Variants in FAM227B observed in about 807,000 individuals in gnomAD.
FAM227B encodes the protein family with sequence similarity 227 member B, also known as protein FAM227B.
Under a neutral mutation model 73.8 loss-of-function variants are expected in FAM227B, and 88 were observed. The ratio of observed to expected loss-of-function variants is 1.19; its 90% confidence interval spans 1.00 to 1.42. FAM227B has a LOEUF of 1.42. FAM227B is among the 40% of genes most tolerant of loss of function. The probability of loss-of-function intolerance (pLI) is 0.00; values close to 1 mark genes in which losing one functional copy is unlikely to be tolerated. For synonymous variants in FAM227B, 210 were observed against 190.5 expected, an observed-to-expected ratio of 1.10 and a Z score of -0.84; for missense variants, 632 against 590.9, an observed-to-expected ratio of 1.07 and a Z score of -0.72.
At chr15:49,449,697 A>C (rs1230470930) in intron 11 of FAM227B, among the ~76,000 whole-genome samples, 1 of 152,062 alleles carries the variant, frequency 6.6e-6, no homozygotes, top group African/African-American at 2.4e-5. Context: ...ATTGCTGCCA[A>C]GTTAGGTCTC....
At chr15:49,517,688 T>C (rs2059471285) in intron 10 of FAM227B, among the ~76,000 whole-genome samples, 4 of 152,152 alleles carry the variant, frequency 2.6e-5, no homozygotes, top group Admixed American at 2.6e-4. Context: ...TTCATATAAA[T>C]ATTCAAAAAA....
chr15:49,594,127 G>C (rs956513788), intron 3 of FAM227B, among the ~76,000 whole-genome samples: 2 of 152,016 alleles, frequency 1.3e-5, no homozygotes, highest in Non-Finnish European at 2.9e-5. Context: ...TCTCGCAGGA[G>C]TAAGGTGGTA....
intron 5 of FAM227B, 99 bp from the exon 6 acceptor site, chr15:49,577,763 G>GATATATGTA: frequency 3.1e-6 from 2 of 649,002 alleles, no homozygotes; most frequent in Middle Eastern, 4.3e-4. Context: ...GATAACTATA[G>GATATATGTA]ATATATGTAT....
rs568494407 is a variant in FAM227B at position 49,550,686 on chromosome 15, C to T, written c.748-8880G>A. Among the ~76,000 whole-genome samples, 79 of 151,894 alleles carry T rather than the reference C, an allele frequency of 5.2e-4. 1 individual carries two copies. Among genetic ancestry groups the T allele is most frequent in the African/African-American group, 1.7e-3 (70 of 41,382 alleles). On this transcript the variant is annotated intron_variant, in intron 9 of 15. Coordinates refer to ENST00000299338, the MANE Select transcript of FAM227B (RefSeq NM_152647.3). ...CTCTCCCCACATCTCAGACGATGGG[C>T]GGCCGGGCAGAGACGCTCCTCACTT...
chr15:49,561,638 CA>C (rs1016802483), intron 9 of FAM227B, among the ~76,000 whole-genome samples: 4 of 151,908 alleles, frequency 2.6e-5, no homozygotes, highest in African/African-American at 9.6e-5. Flanking sequence ...TCAATAAATT[CA>C]AAAAAAGTTA....
chr15:49,455,415 C>T (rs899988493), intron 11 of FAM227B, among the ~76,000 whole-genome samples: 1 of 152,116 alleles, frequency 6.6e-6, no homozygotes, highest in Non-Finnish European at 1.5e-5. Context: ...AAAACCCCAG[C>T]ATTTTTCAAA....
chr15:49,367,369 C>G, intron 13 of FAM227B, 79 bp downstream of exon 13: 1 of 1,236,452 alleles, frequency 8.1e-7, no homozygotes, highest in Non-Finnish European at 1.1e-6. Flanking sequence ...ATTTGTTTCT[C>G]AATTGAGACA....
chr15:49,370,591 C>G (rs1166539216), intron 12 of FAM227B, among the ~76,000 whole-genome samples: 2 of 152,172 alleles, frequency 1.3e-5, no homozygotes. Context: ...AACATAAATA[C>G]TGACTTTCAG....
At chr15:49,488,506 A>G (rs1197660019) in intron 11 of FAM227B, 1 of 151,914 alleles carries the variant, frequency 6.6e-6, no homozygotes, top group East Asian at 1.9e-4. Context: ...TACACTTCTC[A>G]AGGAACCAGA....
intron 9 of FAM227B, among the ~76,000 whole-genome samples, chr15:49,558,120 C>CAG (rs879858046): frequency 6.6e-6 from 1 of 151,724 alleles, no homozygotes; most frequent in African/African-American, 2.4e-5. Flanking sequence ...GCTCCTAATG[C>CAG]CTAATGCCCC....
chr15:49,362,369 G>T (rs572453587), intron 13 of FAM227B, among the ~76,000 whole-genome samples: 9 of 152,262 alleles, frequency 5.9e-5, no homozygotes, highest in East Asian at 1.9e-4. Flanking sequence ...TGCTGTGATT[G>T]TAAGTTTCCT....
intron 10 of FAM227B, among the ~76,000 whole-genome samples, chr15:49,522,558 T>C (rs563861465): frequency 1.3e-5 from 2 of 152,106 alleles, no homozygotes; most frequent in Admixed American, 6.5e-5. Flanking sequence ...AAATTCAGAA[T>C]ATGAAAGATG....
chr15:49,355,357 A>C (rs1299002337), intron 13 of FAM227B, among the ~76,000 whole-genome samples: 1 of 152,242 alleles, frequency 6.6e-6, no homozygotes, highest in Non-Finnish European at 1.5e-5. Context: ...ATTTAGCAGT[A>C]TGTATAACTA....
chr15:49,518,355 T>C (rs11638693), intron 10 of FAM227B, among the ~76,000 whole-genome samples: 22,941 of 152,208 alleles, frequency 0.15, 2,297 homozygotes, highest in Admixed American at 0.23. Flanking sequence ...AGATTAAAGT[T>C]ACAGGTTGAT....
intron 10 of FAM227B, among the ~76,000 whole-genome samples, chr15:49,540,358 A>T (rs2070889072): frequency 6.6e-6 from 1 of 152,140 alleles, no homozygotes; most frequent in African/African-American, 2.4e-5. Context: ...CTGTATCCAG[A>T]TGTCTCACAT....
intron 11 of FAM227B, among the ~76,000 whole-genome samples, chr15:49,380,287 C>A (rs867885367): frequency 2.0e-5 from 3 of 152,124 alleles, no homozygotes; most frequent in Non-Finnish European, 4.4e-5. Context: ...GCGTGCTCCC[C>A]TCTGTCCAAG....
chr15:49,383,944 G>T (rs2046709392), intron 11 of FAM227B, among the ~76,000 whole-genome samples: 2 of 152,088 alleles, frequency 1.3e-5, no homozygotes, highest in East Asian at 3.9e-4. Context: ...TTTGAATGAG[G>T]AGCCAGCAGC....
chr15:49,429,625 T>C lies in FAM227B; in HGVS notation c.1013-58226A>G, dbSNP rs187555351. 2.2e-3 allele frequency among the ~76,000 whole-genome samples: 339 copies of C among 152,024 alleles called. 2 individuals carry two copies. Among genetic ancestry groups the C allele is most frequent in the Non-Finnish European group, 3.1e-3 (210 of 67,920 alleles). Reference sequence around the variant, plus strand: ...GGTTGCCTTTCTACATTTTTCTATCTCTCAACCTTGTCTAAATATTACAAT... The same window carrying C: ...GGTTGCCTTTCTACATTTTTCTATCCCTCAACCTTGTCTAAATATTACAAT... On this transcript the variant is annotated intron_variant, in intron 11 of 15. Coordinates refer to ENST00000299338, the MANE Select transcript of FAM227B (RefSeq NM_152647.3).
At chr15:49,468,069 T>A (rs1037803805) in intron 11 of FAM227B, among the ~76,000 whole-genome samples, 26 of 152,218 alleles carry the variant, frequency 1.7e-4, no homozygotes, top group African/African-American at 6.3e-4. Flanking sequence ...ATTGCTATAA[T>A]TGTACCACAT....
Sources: gnomAD v4.1 joint callset for allele counts (sites outside exome capture counted in the v4.1 genomes callset) on GRCh38, gnomAD v4.1.1 for gene constraint, MANE v1.5 for transcripts, NCBI Gene and HGNC (gene_info 2026-07-23, HGNC 2026-07-21) for gene names.